RORA: variants seen among roughly 807,000 people sequenced by gnomAD.
The protein encoded by RORA is nuclear receptor ROR-alpha.
RORA carries 7 observed loss-of-function variants against 69.5 expected under a neutral mutation model. That is an observed-to-expected ratio of 0.10 (90% confidence interval 0.06 to 0.19). RORA has a LOEUF of 0.19. Ranked by LOEUF, RORA falls within the 10% of genes least tolerant of loss-of-function variation. The pLI is 1.00. For missense variants in RORA, 457 were observed against 663.0 expected (o/e 0.69, Z 3.41); for synonymous variants, 261 against 240.8 (o/e 1.08, Z -0.78).
intron 1 of RORA, among the ~76,000 whole-genome samples, chr15:61,076,429 C>T (rs2078450851): frequency 2.0e-5 from 3 of 151,074 alleles, no homozygotes; most frequent in African/African-American, 7.3e-5. Flanking sequence ...GTTTCAACAA[C>T]TTCTATCATC....
chr15:60,631,627 G>GAA (rs35636703), intron 2 of RORA, among the ~76,000 whole-genome samples: 3 of 149,048 alleles, frequency 2.0e-5, no homozygotes, highest in African/African-American at 4.9e-5. Flanking sequence ...GTAGAATACT[G>GAA]AAAAAAAAAA....
intron 1 of RORA, among the ~76,000 whole-genome samples, chr15:61,202,240 G>A (rs2079902044): frequency 6.6e-6 from 1 of 152,028 alleles, no homozygotes; most frequent in Non-Finnish European, 1.5e-5. Flanking sequence ...TCAAACTCCT[G>A]GCCTCGTGAT....
rs531704702 is a variant in RORA, at chr15:61,011,297, A to G, written c.166+217756T>C. On this transcript the variant is annotated intron_variant, in intron 1 of 10. Transcript: ENST00000335670. ...TCATCACTCAATCTGTTTCTCTTCT[A>G]TAGAACTGCTATTAAAGTTCCTGAA... Among the ~76,000 whole-genome samples the G allele has an allele frequency of 3.9e-5, 6 of 152,268 alleles. No homozygotes were observed. In the East Asian group the frequency reaches 1.2e-3, roughly 29 times the overall value.
intron 1 of RORA, among the ~76,000 whole-genome samples, chr15:60,874,893 A>T (rs2073596892): frequency 6.6e-6 from 1 of 152,124 alleles, no homozygotes; most frequent in Non-Finnish European, 1.5e-5. Context: ...TGATAAAGGG[A>T]AGTGAATAAT....
intron 2 of RORA, among the ~76,000 whole-genome samples, chr15:60,653,746 C>CAGCCACCT (rs1414178525): frequency 5.3e-5 from 8 of 151,682 alleles, no homozygotes; most frequent in Non-Finnish European, 1.2e-4. Flanking sequence ...CCGACTGTGT[C>CAGCCACCT]TGCCTCTCAA....
intron 1 of RORA, among the ~76,000 whole-genome samples, chr15:60,687,277 T>C (rs1018496397): frequency 6.6e-6 from 1 of 152,228 alleles, no homozygotes; most frequent in Admixed American, 6.5e-5. Context: ...TATTTCCTGA[T>C]ATATAGAATA....
At position 61,186,068 on chromosome 15, in the gene RORA, G is replaced by A. The variant is rs182163781; in HGVS notation, c.166+42985C>T. Reference sequence around the variant, plus strand: ...CTCTGTGGCTGGCTCCTCCTAAAACGTGAAAAATTAACCACTTATGATTTG... The same window carrying A: ...CTCTGTGGCTGGCTCCTCCTAAAACATGAAAAATTAACCACTTATGATTTG... On this transcript the variant is annotated intron_variant, in intron 1 of 10. Coordinates refer to ENST00000335670, the MANE Select transcript of RORA (RefSeq NM_134261.3). Among the ~76,000 whole-genome samples, 10 of 152,202 alleles carry A rather than the reference G, an allele frequency of 6.6e-5. No homozygotes were observed. The East Asian group carries it at 1.2e-3, about 18-fold the overall frequency.
rs1555436027 is a variant in RORA at position 60,597,597 on chromosome 15, C to CTATATATAT, written c.197-65747_197-65746insATATATATA. ...ATACACATATATATATATATATACA[C>CTATATATAT]ATATATATATATATATATATACATA... On this transcript the variant is annotated intron_variant, in intron 2 of 10. Coordinates refer to ENST00000335670, the MANE Select transcript of RORA (RefSeq NM_134261.3). Among the ~76,000 whole-genome samples, 2 of 31,346 alleles carry CTATATATAT rather than the reference C, an allele frequency of 6.4e-5. 1 individual carries two copies. The highest frequency in any genetic ancestry group is 2.4e-4 in the African/African-American group (2 of 8,484). 20.6% of individuals were successfully genotyped at this position (31,346 alleles called of 152,430 possible).
chr15:60,712,304 AG>A (rs1348984228), intron 1 of RORA, among the ~76,000 whole-genome samples: 1 of 152,216 alleles, frequency 6.6e-6, no homozygotes, highest in African/African-American at 2.4e-5. Context: ...TTCTTTAAAA[AG>A]GTGTGTTTTG....
intron 1 of RORA, among the ~76,000 whole-genome samples, chr15:60,963,977 T>G (rs1167110977): frequency 6.6e-6 from 1 of 152,248 alleles, no homozygotes; most frequent in Non-Finnish European, 1.5e-5. Flanking sequence ...AAGGTGGATT[T>G]AGCACCTCTT....
At chr15:60,587,749 A>G (rs2068377523) in intron 2 of RORA, among the ~76,000 whole-genome samples, 1 of 152,230 alleles carries the variant, frequency 6.6e-6, no homozygotes, top group Non-Finnish European at 1.5e-5. Flanking sequence ...ATTATTTTTT[A>G]TACCCACAGG....
At chr15:60,776,689 G>T (rs1468484282) in intron 1 of RORA, among the ~76,000 whole-genome samples, 1 of 152,208 alleles carries the variant, frequency 6.6e-6, no homozygotes, top group Non-Finnish European at 1.5e-5. Context: ...TTGGGGTCCA[G>T]GTCTGGTTAG....
At chr15:60,916,957 C>A (rs1457382757) in intron 1 of RORA, among the ~76,000 whole-genome samples, 1 of 152,230 alleles carries the variant, frequency 6.6e-6, no homozygotes, top group African/African-American at 2.4e-5. Context: ...CAGTTCTACA[C>A]TGTTAGTGTT....
intron 1 of RORA, among the ~76,000 whole-genome samples, chr15:60,821,999 G>A (rs887266004): frequency 1.4e-5 from 2 of 143,994 alleles, no homozygotes; most frequent in Admixed American, 7.1e-5. Flanking sequence ...ATGAGTAGCA[G>A]TATTCACAGA....
rs1246745938 is a variant in RORA, at chr15:61,137,626, A to G, written c.166+91427T>C. On this transcript the variant is annotated intron_variant, in intron 1 of 10. Transcript: ENST00000335670. ...AACACAGATGTTCTCCAGAGCCACAAACACACCTCCTCTTGGGCTCAGAAC... is the reference window on the plus strand; with the variant it reads ...AACACAGATGTTCTCCAGAGCCACAGACACACCTCCTCTTGGGCTCAGAAC... 2.0e-5 allele frequency among the ~76,000 whole-genome samples: 3 copies of G among 152,212 alleles called. No individual in the cohort carries two copies. The East Asian group carries it at 5.8e-4, about 29-fold the overall frequency.
chr15:61,185,101 G>T (rs748962534), intron 1 of RORA, among the ~76,000 whole-genome samples: 1 of 152,000 alleles, frequency 6.6e-6, no homozygotes, highest in African/African-American at 2.4e-5. Flanking sequence ...ACATGCAGGC[G>T]TTACCTGGAA....
intron 1 of RORA, among the ~76,000 whole-genome samples, chr15:61,189,552 G>A (rs143898925): frequency 1.0e-3 from 158 of 152,216 alleles, no homozygotes; most frequent in Middle Eastern, 0.01. Flanking sequence ...AGGGCCCCAG[G>A]TGCTGAAGAC....
intron 1 of RORA, among the ~76,000 whole-genome samples, chr15:61,058,391 G>T (rs2078124970): frequency 6.6e-6 from 1 of 152,210 alleles, no homozygotes; most frequent in East Asian, 1.9e-4. Flanking sequence ...AAATGTTTTA[G>T]GGAACATTAA....
chr15:60,938,995 C>T (rs571388093), intron 1 of RORA, among the ~76,000 whole-genome samples: 1 of 152,342 alleles, frequency 6.6e-6, no homozygotes, highest in South Asian at 2.1e-4. Context: ...AGTCCTGTCA[C>T]CAGTGATGGC....
Sources: gnomAD v4.1 joint callset for allele counts (sites outside exome capture counted in the v4.1 genomes callset) on GRCh38, gnomAD v4.1.1 for gene constraint, MANE v1.5 for transcripts, NCBI Gene and HGNC (gene_info 2026-07-23, HGNC 2026-07-21) for gene names.